Variants in AKAP6 observed in about 807,000 individuals in gnomAD.
AKAP6 encodes the protein A-kinase anchoring protein 6.
Under a neutral mutation model 188.5 loss-of-function variants are expected in AKAP6, and 58 were observed. The ratio of observed to expected loss-of-function variants is 0.31; its 90% CI spans 0.25 to 0.38. AKAP6 has a LOEUF of 0.38. Ranked by LOEUF, AKAP6 falls within the 10% of genes least tolerant of loss-of-function variation. The probability of loss-of-function intolerance (pLI) is 1.00; values close to 1 mark genes in which losing one functional copy is unlikely to be tolerated. For synonymous variants in AKAP6, 989 were observed against 998.6 expected (o/e 0.99, Z 0.18); for missense variants, 2,710 against 2,740.0 (o/e 0.99, Z 0.24).
chr14:32,648,721 T>A (rs1888084709), intron 7 of AKAP6, among the ~76,000 whole-genome samples: 1 of 152,136 alleles, frequency 6.6e-6, no homozygotes, highest in South Asian at 2.1e-4. Context: ...TTAGGATGAA[T>A]GAATCACTAA....
chr14:32,367,934 G>A (rs1887886799), intron 1 of AKAP6, among the ~76,000 whole-genome samples: 1 of 152,220 alleles, frequency 6.6e-6, no homozygotes, highest in Non-Finnish European at 1.5e-5. Flanking sequence ...AGGAAACTCA[G>A]TGCCTCACAG....
At chr14:32,632,643 A>G (rs754803210) in intron 7 of AKAP6, among the ~76,000 whole-genome samples, 1 of 152,054 alleles carries the variant, frequency 6.6e-6, no homozygotes, top group Non-Finnish European at 1.5e-5. Context: ...GGGATCAAAA[A>G]TCTGGGCTTT....
rs951544265 is a variant in AKAP6 at position 32,834,007 on chromosome 14, G to A, written c.*4202G>A. On this transcript the variant is annotated 3_prime_UTR_variant, in exon 14 of 14. Transcript: ENST00000280979. ...AAATCATTTGAAATTAAATTGTAGA[G>A]TATGATACTTCATCTGCAAATACTT... 1.3e-5 allele frequency: 2 copies of A among 152,170 alleles called. No individual in the cohort carries two copies. The highest frequency in any genetic ancestry group is 2.9e-5 in the Non-Finnish European group (2 of 68,046). The allele number at this position is 152,170 out of a possible 1,614,324, so 9.4% of individuals were successfully genotyped here.
At chr14:32,654,453 C>T (rs928668478) in intron 7 of AKAP6, among the ~76,000 whole-genome samples, 1 of 152,062 alleles carries the variant, frequency 6.6e-6, no homozygotes, top group African/African-American at 2.4e-5. Context: ...ATGCAACAAA[C>T]CAATTAAATC....
Position 32,837,150 on chromosome 14 carries a change from G to A in AKAP6, c.*7345G>A, listed in dbSNP as rs981100262. ...TTCTTTATTCATTTTATATGGGGAC[G>A]TTTGACTAGGATCACCAGATGTAGA... On this transcript the variant is annotated 3_prime_UTR_variant, in exon 14 of 14. Coordinates refer to ENST00000280979, the MANE Select transcript of AKAP6 (RefSeq NM_004274.5). 1 of 152,064 alleles carries A rather than the reference G, an allele frequency of 6.6e-6. No homozygotes were observed. The highest frequency in any genetic ancestry group is 2.4e-5 in the African/African-American group (1 of 41,412). 9.4% of individuals were successfully genotyped at this position (152,064 alleles called of 1,614,324 possible).
chr14:32,676,826 C>CT (rs1420078391), intron 7 of AKAP6, among the ~76,000 whole-genome samples: 2 of 152,050 alleles, frequency 1.3e-5, no homozygotes, highest in Non-Finnish European at 2.9e-5. Flanking sequence ...CCTCATTTTT[C>CT]TTTTTTTCTT....
At chr14:32,344,557 G>A (rs943901791) in intron 1 of AKAP6, among the ~76,000 whole-genome samples, 47 of 152,180 alleles carry the variant, frequency 3.1e-4, no homozygotes, top group African/African-American at 1.1e-3. Flanking sequence ...TTTCAGCTGG[G>A]TATAGATAAG....
chr14:32,454,654 TCTC>T (rs1891062005), intron 2 of AKAP6, among the ~76,000 whole-genome samples: 1 of 58,344 alleles, frequency 1.7e-5, no homozygotes, highest in Non-Finnish European at 2.7e-5. Flanking sequence ...CCTCCTTCCC[TCTC>T]TCCTTCCCTC....
chr14:32,754,912 T>C (rs566424540), intron 11 of AKAP6, among the ~76,000 whole-genome samples: 34 of 152,354 alleles, frequency 2.2e-4, no homozygotes, highest in Non-Finnish European at 4.1e-4. Context: ...GCTTTTCTCA[T>C]GCTGCTTTCA....
At chr14:32,688,856 A>G (rs71419923) in intron 8 of AKAP6, among the ~76,000 whole-genome samples, 14,395 of 152,210 alleles carry the variant, frequency 0.095, 868 homozygotes, top group Admixed American at 0.14. Flanking sequence ...TTTCATGTTA[A>G]TTGTGCTACC....
At chr14:32,623,626 A>G (rs779711323) in intron 7 of AKAP6, among the ~76,000 whole-genome samples, 3 of 152,164 alleles carry the variant, frequency 2.0e-5, no homozygotes, top group Non-Finnish European at 4.4e-5. Flanking sequence ...CTTAAAAACC[A>G]GTGATGCCTC....
Position 32,833,596 on chromosome 14 carries a change from T to G in AKAP6, c.*3791T>G, listed in dbSNP as rs1390644305. 1 of 152,170 alleles carries G rather than the reference T, an allele frequency of 6.6e-6. No homozygotes were observed. The highest frequency in any genetic ancestry group is 1.9e-4 in the East Asian group (1 of 5,202). 9.4% of individuals were successfully genotyped at this position (152,170 alleles called of 1,614,324 possible). On this transcript the variant is annotated 3_prime_UTR_variant, in exon 14 of 14. Coordinates refer to ENST00000280979, the MANE Select transcript of AKAP6 (RefSeq NM_004274.5). ...AGTTTGATGACTTTGTTGTGTTTGGTTCATCCGGACTAGGTTTCACCCATT... is the reference window on the plus strand; with the variant it reads ...AGTTTGATGACTTTGTTGTGTTTGGGTCATCCGGACTAGGTTTCACCCATT...
intron 7 of AKAP6, among the ~76,000 whole-genome samples, chr14:32,660,137 G>T (rs775835261): frequency 6.6e-6 from 1 of 152,114 alleles, no homozygotes; most frequent in Non-Finnish European, 1.5e-5. Flanking sequence ...GAGTGATGCA[G>T]GTTTAGATTT....
At chr14:32,349,729 A>C (rs1388056209) in intron 1 of AKAP6, among the ~76,000 whole-genome samples, 1 of 152,230 alleles carries the variant, frequency 6.6e-6, no homozygotes, top group Non-Finnish European at 1.5e-5. Flanking sequence ...TTGAAGGAAC[A>C]CATTAATGCC....
intron 2 of AKAP6, among the ~76,000 whole-genome samples, chr14:32,464,380 CA>C (rs1052842138): frequency 2.0e-4 from 30 of 152,120 alleles, no homozygotes; most frequent in Middle Eastern, 3.2e-3. Flanking sequence ...AGTAGCACAT[CA>C]AAAAGCTTAT....
chr14:32,458,517 A>C (rs868834661), intron 2 of AKAP6, among the ~76,000 whole-genome samples: 15 of 152,284 alleles, frequency 9.9e-5, no homozygotes, highest in Non-Finnish European at 1.5e-4. Context: ...TGTCGCTGAA[A>C]GTATTATTAG....
chr14:32,521,061 A>C (rs548709806), intron 2 of AKAP6, among the ~76,000 whole-genome samples: 2 of 152,304 alleles, frequency 1.3e-5, no homozygotes, highest in East Asian at 3.9e-4. Context: ...AACATAATCC[A>C]TCATATAAAC....
chr14:32,790,242 C>T (rs1364654365), intron 12 of AKAP6, among the ~76,000 whole-genome samples: 1 of 152,118 alleles, frequency 6.6e-6, no homozygotes, highest in East Asian at 1.9e-4. Flanking sequence ...GAATCTACAA[C>T]TGATTGGGGT....
intron 1 of AKAP6, among the ~76,000 whole-genome samples, chr14:32,335,722 C>G (rs529693725): frequency 6.6e-6 from 1 of 151,736 alleles, no homozygotes; most frequent in Non-Finnish European, 1.5e-5. Flanking sequence ...TATATTAATT[C>G]TCTTGCCCTT....
Sources: gnomAD v4.1 joint callset for allele counts (sites outside exome capture counted in the v4.1 genomes callset) on GRCh38, gnomAD v4.1.1 for gene constraint, MANE v1.5 for transcripts, NCBI Gene and HGNC (gene_info 2026-07-23, HGNC 2026-07-21) for gene names.